Variants in ZDHHC20 observed in about 807,000 individuals in gnomAD.
The protein encoded by ZDHHC20 is palmitoyltransferase ZDHHC20.
Under a neutral mutation model 57.8 loss-of-function variants are expected in ZDHHC20, and 43 were observed. That is an observed-to-expected ratio of 0.74 (90% CI 0.58 to 0.96). The LOEUF is 0.96. Ranked by LOEUF, ZDHHC20 falls within the 40% of genes least tolerant of loss-of-function variation. The probability of loss-of-function intolerance (pLI) is 0.00; values close to 1 mark genes in which losing one functional copy is unlikely to be tolerated. For synonymous variants in ZDHHC20, 157 were observed against 153.0 expected (o/e 1.03, Z -0.19); for missense variants, 391 against 441.1 (o/e 0.89, Z 1.02).
At chr13:21,400,301 TAAAGTA>T in intron 7 of ZDHHC20, 66 bp downstream of exon 7, 1 of 1,389,180 alleles carries the variant, frequency 7.2e-7, no homozygotes, top group Non-Finnish European at 9.7e-7. Flanking sequence ...TCATAAAAAA[TAAAGTA>T]ATTTATTAGG....
At chr13:21,427,663 G>A (rs539704748) in intron 1 of ZDHHC20, among the ~76,000 whole-genome samples, 11 of 151,938 alleles carry the variant, frequency 7.2e-5, no homozygotes, top group East Asian at 1.9e-4. Flanking sequence ...GTGAAACCCC[G>A]TCTGCACTAA....
At chr13:21,427,966 A>G (rs1881466657) in intron 1 of ZDHHC20, among the ~76,000 whole-genome samples, 2 of 143,690 alleles carry the variant, frequency 1.4e-5, no homozygotes, top group South Asian at 2.1e-4. Context: ...TTTCCCTTTC[A>G]TAACACCCCT....
intron 8 of ZDHHC20, 57 bp from the exon 9 acceptor site, chr13:21,387,691 G>A (rs1006889285): frequency 8.8e-7 from 1 of 1,137,110 alleles, no homozygotes; most frequent in Non-Finnish European, 1.1e-6. Flanking sequence ...TTATAGGAGG[G>A]ATGGAAATTA....
chr13:21,416,789 T>G (rs1250626567), intron 3 of ZDHHC20, among the ~76,000 whole-genome samples: 1 of 152,106 alleles, frequency 6.6e-6, no homozygotes, highest in Non-Finnish European at 1.5e-5. Context: ...GATGTGAAAA[T>G]AGTACAGTAT....
At chr13:21,459,022 G>A (rs1306829727) in intron 1 of ZDHHC20, 32 bp downstream of exon 1, 43 of 1,541,894 alleles carry the variant, frequency 2.8e-5, no homozygotes, top group Non-Finnish European at 3.8e-5. Context: ...CGCGGCCCGC[G>A]CCCCGCCGCA....
chr13:21,400,526 T>A (rs1238730558), intron 6 of ZDHHC20, 33 bp from the exon 7 acceptor site: 3 of 1,524,298 alleles, frequency 2.0e-6, no homozygotes, highest in Non-Finnish European at 2.6e-6. Context: ...ATTATAAAAG[T>A]AAGACAAATC....
At chr13:21,446,826 C>T (rs1003168100) in intron 1 of ZDHHC20, among the ~76,000 whole-genome samples, 3 of 152,156 alleles carry the variant, frequency 2.0e-5, no homozygotes, top group African/African-American at 7.2e-5. Flanking sequence ...ACAACACACC[C>T]TCCCACACCT....
intron 5 of ZDHHC20, among the ~76,000 whole-genome samples, 170 bp from the exon 6 acceptor site, chr13:21,401,855 T>C (rs1377206600): frequency 1.3e-5 from 2 of 152,228 alleles, no homozygotes; most frequent in East Asian, 3.8e-4. Flanking sequence ...AGAATGTTCA[T>C]AGGTAAAAAG....
chr13:21,391,793 A>G lies in ZDHHC20; in HGVS notation c.656T>C (p.Met219Thr), dbSNP rs1336241076. The part of the protein sequence containing the change: ...HVLFLFFVSA[M>T]FFISVLSLFS... ...AAGTGAGAGGACGCTGATGAAGAAC[A>G]TTGCAGACACAAAGAAAAGAAAAAG... The change falls in exon 8 of 13, where the codon ATG (methionine) becomes ACG (threonine). Residue 219 changes from methionine (M) to threonine (T), a missense_variant. By Grantham distance (81) the Met-to-Thr change is moderately conservative. Coordinates refer to ENST00000400590, the MANE Select transcript of ZDHHC20 (RefSeq NM_001330059.2). The G allele has an allele frequency of 2.5e-5, 41 of 1,613,472 alleles. No individual in the cohort carries two copies. Among genetic ancestry groups the G allele is most frequent in the Non-Finnish European group, 3.5e-5 (41 of 1,179,810 alleles).
chr13:21,385,303 C>T (rs1874260636), intron 9 of ZDHHC20, among the ~76,000 whole-genome samples: 1 of 152,080 alleles, frequency 6.6e-6, no homozygotes, highest in South Asian at 2.1e-4. Context: ...GTGTTACGCA[C>T]CGGTAATCCC....
intron 10 of ZDHHC20, 51 bp downstream of exon 10, chr13:21,382,869 T>C (rs1566062910): frequency 1.4e-6 from 2 of 1,410,012 alleles, no homozygotes; most frequent in Non-Finnish European, 2.0e-6. Context: ...AACACATGTA[T>C]ACGGTTTGCT....
chr13:21,439,030 G>GT (rs563778302), intron 1 of ZDHHC20, among the ~76,000 whole-genome samples: 8 of 152,274 alleles, frequency 5.3e-5, no homozygotes, highest in African/African-American at 1.9e-4. Context: ...TAGGGTGAAC[G>GT]TAACTTTTAT....
chr13:21,401,590 T>C, intron 6 of ZDHHC20, 63 bp downstream of exon 6: 2 of 1,469,858 alleles, frequency 1.4e-6, no homozygotes, highest in East Asian at 2.5e-5. Context: ...TTAGGAATAC[T>C]GAAGTTACTC....
chr13:21,379,168 A>G (rs1015266916), intron 11 of ZDHHC20, among the ~76,000 whole-genome samples: 4 of 152,252 alleles, frequency 2.6e-5, no homozygotes, highest in African/African-American at 9.6e-5. Context: ...AAATGCTGCT[A>G]AAAGTCAAGA....
intron 8 of ZDHHC20, among the ~76,000 whole-genome samples, chr13:21,387,981 C>T (rs756041612): frequency 6.6e-6 from 1 of 151,888 alleles, no homozygotes; most frequent in African/African-American, 2.4e-5. Context: ...TACTATGTTC[C>T]TGATAGCACT....
At chr13:21,440,064 C>T (rs1882972098) in intron 1 of ZDHHC20, among the ~76,000 whole-genome samples, 1 of 68,444 alleles carries the variant, frequency 1.5e-5, no homozygotes. Flanking sequence ...AAGACTGTTT[C>T]TCAGAAAAAA....
Position 21,375,620 on chromosome 13 carries a change from G to C in ZDHHC20, c.*1076C>G, listed in dbSNP as rs1490435954. The C allele has an allele frequency of 1.3e-5, 2 of 153,230 alleles. No homozygotes were observed. Among genetic ancestry groups the C allele is most frequent in the East Asian group, 3.9e-4 (2 of 5,184 alleles). 9.5% of individuals were successfully genotyped at this position (153,230 alleles called of 1,614,324 possible). A position where few individuals can be genotyped will look rare whatever the true frequency, so the allele number is the denominator to read the frequency against. On this transcript the variant is annotated 3_prime_UTR_variant, in exon 13 of 13. Transcript: ENST00000400590. ...AGAATTTCCAACTGACAGCCAGGAG[G>C]AAAACTTACTCTAAAGTTTTTTTTG...
At chr13:21,457,226 T>C (rs1358703566) in intron 1 of ZDHHC20, among the ~76,000 whole-genome samples, 3 of 152,244 alleles carry the variant, frequency 2.0e-5, no homozygotes, top group Non-Finnish European at 4.4e-5. Flanking sequence ...AAAAACCATC[T>C]ACAGGTTAAG....
At chr13:21,434,329 T>C (rs1882322141) in intron 1 of ZDHHC20, among the ~76,000 whole-genome samples, 3 of 139,444 alleles carry the variant, frequency 2.2e-5, no homozygotes, top group African/African-American at 7.5e-5. Context: ...AATCTCGAGA[T>C]AATGACAATA....
Sources: allele counts gnomAD v4.1 joint callset (sites outside exome capture counted in the v4.1 genomes callset), GRCh38; gene constraint gnomAD v4.1.1; transcripts MANE v1.5; gene names NCBI Gene and HGNC (gene_info 2026-07-23, HGNC 2026-07-21).